The following WWOX variants were observed in gnomAD, a reference collection of about 807,000 sequenced individuals.
WWOX encodes WW domain containing oxidoreductase.
In WWOX, 69 loss-of-function variants were observed where a neutral mutation model predicts 46.2. The observed-to-expected ratio is 1.49, with a 90% CI of 1.23 to 1.82. The LOEUF (loss-of-function observed/expected upper bound fraction) is 1.82. Among genes scored for constraint, WWOX ranks in the 40% most tolerant of loss-of-function variants. The pLI, the probability that WWOX is intolerant of heterozygous loss-of-function variation, is 0.00. For missense variants in WWOX, 919 were observed against 542.6 expected (o/e 1.69, Z -6.89); for synonymous variants, 359 against 202.6 (o/e 1.77, Z -6.56).
At chr16:78,443,649 G>A (rs1178477163) in intron 8 of WWOX, among the ~76,000 whole-genome samples, 1 of 152,138 alleles carries the variant, frequency 6.6e-6, no homozygotes. Context: ...CTTAGTATGT[G>A]TAACAAATTA....
At chr16:78,248,958 G>A (rs990103969) in intron 5 of WWOX, among the ~76,000 whole-genome samples, 9 of 149,804 alleles carry the variant, frequency 6.0e-5, no homozygotes, top group African/African-American at 2.2e-4. Context: ...CTGGGCTCAG[G>A]TGATTCTCCT....
intron 5 of WWOX, among the ~76,000 whole-genome samples, chr16:78,333,889 G>T (rs2080819877): frequency 6.6e-6 from 1 of 152,144 alleles, no homozygotes; most frequent in South Asian, 2.1e-4. Flanking sequence ...GAACAACACA[G>T]TGAGAGCAGA....
chr16:78,777,168 A>G (rs1279935142), intron 8 of WWOX, among the ~76,000 whole-genome samples: 4 of 55,732 alleles, frequency 7.2e-5, no homozygotes, highest in Admixed American at 5.8e-4. Flanking sequence ...CCATTGTTCA[A>G]TGGCTGTATT....
chr16:78,700,484 G>C (rs1195813922), intron 8 of WWOX, among the ~76,000 whole-genome samples: 2 of 152,190 alleles, frequency 1.3e-5, no homozygotes, highest in Non-Finnish European at 2.9e-5. Context: ...GCATTTGGAA[G>C]AGAGAGGAAC....
At chr16:79,187,331 C>G (rs1396417877) in intron 8 of WWOX, among the ~76,000 whole-genome samples, 18 of 152,174 alleles carry the variant, frequency 1.2e-4, no homozygotes, top group Admixed American at 9.2e-4. Flanking sequence ...ATGGATTTAA[C>G]AAGCATTGAT....
chr16:78,364,848 T>C (rs2081497930), intron 5 of WWOX, among the ~76,000 whole-genome samples: 1 of 152,228 alleles, frequency 6.6e-6, no homozygotes, highest in Non-Finnish European at 1.5e-5. Flanking sequence ...CTGTGCTTTT[T>C]CCTACATGCA....
At chr16:78,338,374 C>T (rs1222922524) in intron 5 of WWOX, among the ~76,000 whole-genome samples, 1 of 120,610 alleles carries the variant, frequency 8.3e-6, no homozygotes, top group Non-Finnish European at 2.0e-5. Flanking sequence ...GTTGTTTTCC[C>T]CAGTTGTAAA....
chr16:78,577,635 G>C (rs781217805), intron 8 of WWOX, among the ~76,000 whole-genome samples: 4 of 152,274 alleles, frequency 2.6e-5, no homozygotes, highest in East Asian at 1.9e-4. Context: ...TTTAAATGGG[G>C]ATGATTACAT....
chr16:78,329,662 G>A (rs2080711518), intron 5 of WWOX, among the ~76,000 whole-genome samples: 1 of 152,136 alleles, frequency 6.6e-6, no homozygotes, highest in African/African-American at 2.4e-5. Flanking sequence ...GTGGGGAAGC[G>A]TGCTCTGTTA....
At chr16:78,897,905 A>G (rs2044739182) in intron 8 of WWOX, 2 of 151,862 alleles carry the variant, frequency 1.3e-5, no homozygotes, top group African/African-American at 4.8e-5. Context: ...TTTATTTTGC[A>G]TTTTCCTAGT....
chr16:78,105,426 T>G (rs2032078030), intron 1 of WWOX, among the ~76,000 whole-genome samples: 1 of 150,196 alleles, frequency 6.7e-6, no homozygotes. Flanking sequence ...ACCACTGTAC[T>G]GCAGCCTGGG....
In WWOX at chr16:79,210,131, G is replaced by A. The variant is rs549799151; in HGVS notation, c.1057-1477G>A. Among the ~76,000 whole-genome samples the A allele has an allele frequency of 1.3e-3, 191 of 152,162 alleles. 4 individuals carry two copies. The highest frequency in any genetic ancestry group is 3.4e-3 in the Middle Eastern group (1 of 294). On this transcript the variant is annotated intron_variant, in intron 8 of 8. Coordinates refer to ENST00000566780, the MANE Select transcript of WWOX (RefSeq NM_016373.4). Reference sequence around the variant, plus strand: ...AAACCCAAGTCTTTGTCTCACTCACGGTCCACACCCCGCCCAGAGTCGTAT... The same window carrying A: ...AAACCCAAGTCTTTGTCTCACTCACAGTCCACACCCCGCCCAGAGTCGTAT...
intron 5 of WWOX, among the ~76,000 whole-genome samples, chr16:78,280,432 C>T (rs911811857): frequency 3.9e-5 from 6 of 152,206 alleles, no homozygotes; most frequent in East Asian, 3.8e-4. Flanking sequence ...GATATTGAGA[C>T]GTTACCTGTA....
chr16:78,521,980 A>T (rs1268379649), intron 8 of WWOX, among the ~76,000 whole-genome samples: 1 of 152,110 alleles, frequency 6.6e-6, no homozygotes, highest in Non-Finnish European at 1.5e-5. Flanking sequence ...CCCATTTTGC[A>T]AGTTTTCAGG....
At chr16:79,177,644 G>T (rs888780333) in intron 8 of WWOX, among the ~76,000 whole-genome samples, 9 of 152,096 alleles carry the variant, frequency 5.9e-5, no homozygotes, top group African/African-American at 2.2e-4. Flanking sequence ...TTGGACTAAG[G>T]TTTCTCAATG....
intron 8 of WWOX, among the ~76,000 whole-genome samples, chr16:78,793,977 C>G (rs536434179): frequency 6.6e-6 from 1 of 152,196 alleles, no homozygotes; most frequent in South Asian, 2.1e-4. Flanking sequence ...AAGACCCATG[C>G]CATATAGCAA....
At chr16:78,148,988 G>C (rs990157679) in intron 4 of WWOX, among the ~76,000 whole-genome samples, 4 of 151,602 alleles carry the variant, frequency 2.6e-5, no homozygotes, top group South Asian at 2.1e-4. Flanking sequence ...TATTGGTAGA[G>C]GGTCTTTATG....
intron 8 of WWOX, among the ~76,000 whole-genome samples, chr16:78,567,485 G>A (rs953739113): frequency 4.0e-5 from 6 of 149,310 alleles, no homozygotes; most frequent in African/African-American, 7.4e-5. Context: ...CCCGGGAGGC[G>A]GAGCTTGCAG....
In WWOX at chr16:78,337,740, AATG is replaced by A. The variant is rs1337595306; in HGVS notation, c.517-49118_517-49116del. Among the ~76,000 whole-genome samples the A allele has an allele frequency of 9.6e-5, 12 of 124,606 alleles. 4 individuals are homozygous for A. The highest frequency in any genetic ancestry group is 7.0e-4 in the South Asian group (3 of 4,288). 81.7% of individuals were successfully genotyped at this position (124,606 alleles called of 152,430 possible). A position where few individuals can be genotyped will look rare whatever the true frequency, so the allele number is the denominator to read the frequency against. On this transcript the variant is annotated intron_variant, in intron 5 of 8. Coordinates refer to ENST00000566780, the MANE Select transcript of WWOX (RefSeq NM_016373.4). ...TAGGCTAGAGGATCTCAGTGCTCAG[AATG>A]AAATATCCCTGTACTCCAAGATGCC...
Sources: allele counts gnomAD v4.1 joint callset (sites outside exome capture counted in the v4.1 genomes callset), GRCh38; gene constraint gnomAD v4.1.1; transcripts MANE v1.5; gene names NCBI Gene and HGNC (gene_info 2026-07-23, HGNC 2026-07-21).